KCTD3: variants seen among roughly 807,000 people sequenced by gnomAD.
KCTD3 encodes potassium channel tetramerization domain containing 3.
A neutral mutation model predicts 85.8 loss-of-function variants in KCTD3; 41 were observed. The observed-to-expected ratio is 0.48, with a 90% confidence interval of 0.37 to 0.62. The LOEUF (loss-of-function observed/expected upper bound fraction) is 0.62. KCTD3 is among the 20% of genes least tolerant of loss of function. The pLI, the probability that KCTD3 is intolerant of heterozygous loss-of-function variation, is 0.00. For missense variants in KCTD3, 724 were observed against 989.9 expected (o/e 0.73, Z 3.60); for synonymous variants, 338 against 345.4 (o/e 0.98, Z 0.24).
rs1655661115 is a variant in KCTD3 at position 215,620,874 on chromosome 1, CT to C, written c.*263del. The C allele has an allele frequency of 1.6e-5, 7 of 431,858 alleles. No homozygotes were observed. Among genetic ancestry groups the C allele is most frequent in the Admixed American group, 8.1e-5 (2 of 24,840 alleles). 26.8% of individuals were successfully genotyped at this position (431,858 alleles called of 1,614,324 possible). On this transcript the variant is annotated 3_prime_UTR_variant, in exon 18 of 18. Coordinates refer to ENST00000259154, the MANE Select transcript of KCTD3 (RefSeq NM_016121.5). ...AGGAGTCCATTTTAACACTTACCGACTTTTTTTGGTTTGGAAACATATTACC... is the reference window on the plus strand; with the variant it reads ...AGGAGTCCATTTTAACACTTACCGACTTTTTTGGTTTGGAAACATATTACC...
intron 13 of KCTD3, among the ~76,000 whole-genome samples, chr1:215,606,192 G>A (rs1297731118): frequency 2.0e-5 from 3 of 152,030 alleles, no homozygotes; most frequent in African/African-American, 4.8e-5. Context: ...TATTTGAAAT[G>A]GTTTGCCCAT....
At chr1:215,594,949 T>C (rs1323053209) in intron 9 of KCTD3, among the ~76,000 whole-genome samples, 2 of 152,222 alleles carry the variant, frequency 1.3e-5, no homozygotes, top group Non-Finnish European at 2.9e-5. Flanking sequence ...ATCGGGTCCA[T>C]GAGCAAGCTG....
In KCTD3 at chr1:215,584,736, A is replaced by C. The variant is rs373311674; in HGVS notation, c.627-1759A>C. Among the ~76,000 whole-genome samples the C allele has an allele frequency of 3.3e-5, 5 of 152,294 alleles. No individual in the cohort carries two copies. The East Asian group carries it at 5.8e-4, about 18-fold the overall frequency. On this transcript the variant is annotated intron_variant, in intron 8 of 17. Transcript: ENST00000259154. ...ACAAGTCCATATCTGAAAGCATGCT[A>C]TTCCAGTCAAAGTCTTGGTAAAATA...
intron 14 of KCTD3, among the ~76,000 whole-genome samples, chr1:215,611,139 A>G (rs1396979825): frequency 6.6e-6 from 1 of 152,052 alleles, no homozygotes; most frequent in Non-Finnish European, 1.5e-5. Context: ...TTTCTAAAAT[A>G]TAATGGGCTA....
intron 4 of KCTD3, among the ~76,000 whole-genome samples, chr1:215,576,877 T>G (rs941720992): frequency 5.3e-5 from 8 of 152,154 alleles, no homozygotes; most frequent in Non-Finnish European, 1.0e-4. Context: ...CACAAAGTTT[T>G]AAGCATTTTT....
chr1:215,619,775 A>G (rs1655592414), intron 17 of KCTD3, among the ~76,000 whole-genome samples: 1 of 152,136 alleles, frequency 6.6e-6, no homozygotes, highest in Non-Finnish European at 1.5e-5. Context: ...CTGAATTATG[A>G]TGGTTTCACA....
intron 8 of KCTD3, among the ~76,000 whole-genome samples, chr1:215,581,473 T>A (rs1039833034): frequency 6.6e-6 from 1 of 152,196 alleles, no homozygotes; most frequent in Non-Finnish European, 1.5e-5. Flanking sequence ...ATTATGTACA[T>A]ATTTTTGTCA....
intron 1 of KCTD3, among the ~76,000 whole-genome samples, chr1:215,569,320 T>C (rs150657039): frequency 9.9e-5 from 15 of 151,958 alleles, no homozygotes; most frequent in Non-Finnish European, 2.1e-4. Flanking sequence ...GAGGTTTAAC[T>C]ACGTTGACCA....
chr1:215,601,220 G>A (rs1396455384), intron 10 of KCTD3, among the ~76,000 whole-genome samples: 1 of 143,270 alleles, frequency 7.0e-6, no homozygotes, highest in Non-Finnish European at 1.5e-5. Flanking sequence ...ATATGGGAAG[G>A]TATTAATTTG....
In KCTD3 at chr1:215,586,664, G is replaced by C. The variant is rs774553049; in HGVS notation, c.796G>C (p.Gly266Arg). Residue 266 changes from glycine (G) to arginine (R), a missense_variant, in exon 9 of 18, where the codon GGG (glycine) becomes CGG (arginine). By Grantham distance (125) the Gly-to-Arg change is moderately radical. Transcript: ENST00000259154. Reference sequence around the variant, plus strand: ...CATCATCTTGTGGAGTGTTCAGGATGGGGGAAGTGGAAGTGAAATTGGTAG... The same window carrying C: ...CATCATCTTGTGGAGTGTTCAGGATCGGGGAAGTGGAAGTGAAATTGGTAG... The part of the protein sequence containing the change: ...SSIILWSVQD[G>R]GSGSEIGVFS... 1 of 1,608,476 alleles carries C rather than the reference G, an allele frequency of 6.2e-7. No individual in the cohort carries two copies. Among genetic ancestry groups the C allele is most frequent in the Non-Finnish European group, 8.5e-7 (1 of 1,177,054 alleles).
In KCTD3 at chr1:215,567,443, A is replaced by G. The variant is rs999608532; in HGVS notation, c.-243A>G. On this transcript the variant is annotated 5_prime_UTR_variant, in exon 1 of 18. Transcript: ENST00000259154. ...AGGCCCGGGCGGCCCGGCGGCCTGGAGGCCGCGAAAGGTGGAGGCCGGGCC... is the reference window on the plus strand; with the variant it reads ...AGGCCCGGGCGGCCCGGCGGCCTGGGGGCCGCGAAAGGTGGAGGCCGGGCC... 2 of 217,706 alleles carry G rather than the reference A, an allele frequency of 9.2e-6. No individual in the cohort carries two copies. Among genetic ancestry groups the G allele is most frequent in the East Asian group, 1.0e-4 (1 of 9,534 alleles). The allele number at this position is 217,706 out of a possible 1,614,324, so 13.5% of individuals were successfully genotyped here.
chr1:215,586,477 C>G lies in KCTD3; in HGVS notation c.627-18C>G, dbSNP rs1490301560. 1.3e-6 allele frequency: 2 copies of G among 1,592,034 alleles called. No individual in the cohort carries two copies. The highest frequency in any genetic ancestry group is 2.3e-5 in the East Asian group (1 of 44,366). The stretch of plus-strand genomic sequence containing the variant: ...ATTGCTGCTGAGTCTACCTTATGTG[C>G]CTGTTCTTCCTTAACAGAATCAAAG... On this transcript the variant is annotated intron_variant, in intron 8 of 17. Coordinates refer to ENST00000259154, the MANE Select transcript of KCTD3 (RefSeq NM_016121.5).
chr1:215,578,942 T>A (rs1180114906), intron 6 of KCTD3, 58 bp from the exon 7 acceptor site: 2 of 1,241,564 alleles, frequency 1.6e-6, no homozygotes, highest in African/African-American at 3.2e-5. Flanking sequence ...CAATGTGATA[T>A]TTTTAATTTT....
intron 8 of KCTD3, among the ~76,000 whole-genome samples, chr1:215,585,034 T>G (rs778390804): frequency 3.3e-5 from 5 of 152,124 alleles, no homozygotes; most frequent in Non-Finnish European, 7.4e-5. Context: ...CTCCACTATC[T>G]CATTTCATGG....
intron 9 of KCTD3, among the ~76,000 whole-genome samples, chr1:215,595,134 G>A (rs1017128599): frequency 3.3e-5 from 5 of 152,332 alleles, no homozygotes; most frequent in African/African-American, 1.2e-4. Context: ...GTGTTATACA[G>A]CAGTATGAGA....
chr1:215,600,869 G>A (rs1035537351), intron 10 of KCTD3, among the ~76,000 whole-genome samples: 17 of 152,128 alleles, frequency 1.1e-4, no homozygotes, highest in African/African-American at 3.9e-4. Context: ...TGTAAACAGG[G>A]AAGATTCATT....
chr1:215,576,069 T>A (rs1193814438), intron 4 of KCTD3, 95 bp downstream of exon 4: 1 of 758,282 alleles, frequency 1.3e-6, no homozygotes, highest in East Asian at 2.9e-5. Context: ...GTTTGTTTTT[T>A]TTTTTCCTTG....
chr1:215,577,890 T>G (rs1659651785), intron 5 of KCTD3, 111 bp from the exon 6 acceptor site: 1 of 1,489,496 alleles, frequency 6.7e-7, no homozygotes, highest in African/African-American at 1.4e-5. Context: ...TCTGACTTAA[T>G]TAAAATTTTC....
intron 10 of KCTD3, among the ~76,000 whole-genome samples, chr1:215,601,094 C>T (rs927026051): frequency 2.0e-5 from 3 of 151,106 alleles, no homozygotes; most frequent in African/African-American, 4.9e-5. Context: ...TGCGCCACTA[C>T]GCCCAGCTAA....
Sources: allele counts gnomAD v4.1 joint callset (sites outside exome capture counted in the v4.1 genomes callset), GRCh38; gene constraint gnomAD v4.1.1; transcripts MANE v1.5; gene names NCBI Gene and HGNC (gene_info 2026-07-23, HGNC 2026-07-21).